The following SLC28A1 variants were observed in gnomAD, a reference collection of about 807,000 sequenced individuals.
SLC28A1 encodes the protein solute carrier family 28 member 1.
In SLC28A1, 64 loss-of-function variants were observed where a neutral mutation model predicts 74.8. The observed-to-expected ratio is 0.86, with a 90% CI of 0.70 to 1.05. SLC28A1 has a LOEUF of 1.05. SLC28A1 is among the 50% of genes least tolerant of loss of function. The pLI is 0.00. For missense variants in SLC28A1, 828 were observed against 822.8 expected (o/e 1.01, Z -0.08); for synonymous variants, 359 against 335.0 (o/e 1.07, Z -0.78).
chr15:84,912,874 A>G (rs1310357155), intron 9 of SLC28A1, among the ~76,000 whole-genome samples: 5 of 150,730 alleles, frequency 3.3e-5, no homozygotes, highest in Admixed American at 3.3e-4. Context: ...AAAAGGTATC[A>G]TTGGATTTGG....
At chr15:84,907,483 C>T (rs1161510204) in intron 8 of SLC28A1, among the ~76,000 whole-genome samples, 1 of 152,002 alleles carries the variant, frequency 6.6e-6, no homozygotes, top group Non-Finnish European at 1.5e-5. Flanking sequence ...CCATGCTGGC[C>T]TTTTTTTAAT....
At chr15:84,914,450 A>AAC (rs1968794449) in intron 9 of SLC28A1, among the ~76,000 whole-genome samples, 1 of 152,202 alleles carries the variant, frequency 6.6e-6, no homozygotes, top group South Asian at 2.1e-4. Context: ...TCCCAGGGCA[A>AAC]ACCTCCCAAG....
the SLC28A1 span, among the ~76,000 whole-genome samples, chr15:84,970,271 G>A: frequency 6.6e-6 from 1 of 152,180 alleles, no homozygotes; most frequent in African/African-American, 2.4e-5. Context: ...TTAGAAGGAA[G>A]GAGACTTTCT....
chr15:84,923,854 C>T (rs1970159317), intron 11 of SLC28A1, 131 bp from the exon 12 acceptor site: 1 of 1,204,538 alleles, frequency 8.3e-7, no homozygotes. Context: ...CAGCCAAGTA[C>T]AGACCCTGGT....
At chr15:84,890,372 G>A in intron 4 of SLC28A1, 71 bp from the exon 5 acceptor site, 1 of 1,090,722 alleles carries the variant, frequency 9.2e-7, no homozygotes. Flanking sequence ...ATACCTGAGT[G>A]GAGGTGCTGA....
chr15:84,935,237 C>T, intron 14 of SLC28A1, 43 bp downstream of exon 14: 2 of 1,612,822 alleles, frequency 1.2e-6, no homozygotes, highest in East Asian at 2.2e-5. Flanking sequence ...AGAGGATGGC[C>T]CCAGGTGGGT....
chr15:84,959,519 T>C, the SLC28A1 span, among the ~76,000 whole-genome samples: 3 of 152,134 alleles, frequency 2.0e-5, no homozygotes, highest in African/African-American at 7.2e-5. Flanking sequence ...TATCTTCGAA[T>C]TTTTTTACCT....
the SLC28A1 span, among the ~76,000 whole-genome samples, chr15:84,963,922 C>T: frequency 3.7e-3 from 556 of 152,292 alleles, 1 homozygote; most frequent in African/African-American, 0.013. Context: ...AGGAGTTGCA[C>T]TCTCCTTCCT....
chr15:84,965,083 G>A, the SLC28A1 span, among the ~76,000 whole-genome samples: 23 of 152,132 alleles, frequency 1.5e-4, no homozygotes, highest in Non-Finnish European at 3.2e-4. Flanking sequence ...ATAACCCCAC[G>A]TGTCATGGGA....
At chr15:84,943,370 G>A (rs1282172380) in intron 15 of SLC28A1, 75 bp from the exon 16 acceptor site, 14 of 1,032,276 alleles carry the variant, frequency 1.4e-5, no homozygotes, top group Non-Finnish European at 2.0e-5. Flanking sequence ...TTAAGGCCAG[G>A]GAGCCTGGGT....
intron 6 of SLC28A1, among the ~76,000 whole-genome samples, chr15:84,899,967 A>AAG (rs1567130013): frequency 3.6e-5 from 2 of 54,816 alleles, no homozygotes; most frequent in African/African-American, 8.3e-5. Flanking sequence ...AAGGAAGGAA[A>AAG]GAAGGAAGGA....
intron 10 of SLC28A1, among the ~76,000 whole-genome samples, chr15:84,919,544 A>G (rs930851013): frequency 6.6e-6 from 1 of 152,208 alleles, no homozygotes. Context: ...CATGGCACTG[A>G]CATCTGGTAA....
In SLC28A1 at chr15:84,902,373, G is replaced by C. The variant is rs546020258; in HGVS notation, c.462-1724G>C. Among the ~76,000 whole-genome samples, 13 of 152,186 alleles carry C rather than the reference G, an allele frequency of 8.5e-5. No homozygotes were observed. In the South Asian group the frequency reaches 1.2e-3, roughly 15 times the overall value. ...TGCATCCCTGTAGTCCCAGCTACTT[G>C]GGAAGCTGAGGCAGGAAAAGCGCTT... On this transcript the variant is annotated intron_variant, in intron 6 of 18. Coordinates refer to ENST00000394573, the MANE Select transcript of SLC28A1 (RefSeq NM_004213.5).
At chr15:84,916,959 C>T (rs769824352) in intron 9 of SLC28A1, among the ~76,000 whole-genome samples, 1 of 135,066 alleles carries the variant, frequency 7.4e-6, no homozygotes, top group Non-Finnish European at 1.5e-5. Context: ...ACCCAGGAGG[C>T]GGAGGCTGTA....
chr15:84,946,017 G>A (rs538395740), downstream of SLC28A1, among the ~76,000 whole-genome samples: 14 of 134,972 alleles, frequency 1.0e-4, no homozygotes, highest in African/African-American at 3.9e-4. Flanking sequence ...GTACCACCAT[G>A]TCCAGCTAAT....
chr15:84,935,944 G>GTTTTTTTTTTTTTTTTT (rs1555456047), intron 15 of SLC28A1, among the ~76,000 whole-genome samples: 1 of 90,106 alleles, frequency 1.1e-5, no homozygotes, highest in African/African-American at 4.1e-5. Context: ...GTTTTGGTTT[G>GTTTTTTTTTTTTTTTTT]GTTTTTGTTT....
intron 18 of SLC28A1, 120 bp from the exon 19 acceptor site, chr15:84,945,005 G>A: frequency 1.8e-6 from 2 of 1,113,114 alleles, no homozygotes; most frequent in African/African-American, 1.5e-5. Flanking sequence ...GAAGGCTCGA[G>A]GACCAATGGA....
chr15:84,956,519 G>A, the SLC28A1 span, among the ~76,000 whole-genome samples: 1 of 126,112 alleles, frequency 7.9e-6, no homozygotes, highest in Non-Finnish European at 1.7e-5. Flanking sequence ...TTTCGACAGG[G>A]TCTCACTTTG....
rs148740007 is a variant in SLC28A1 at position 84,912,797 on chromosome 15, T to TGCGCGCGC, written c.795+4005_795+4012dup. 3.3e-3 allele frequency among the ~76,000 whole-genome samples: 396 copies of TGCGCGCGC among 118,224 alleles called. 10 individuals carry two copies. The highest frequency in any genetic ancestry group is 0.015 in the East Asian group (63 of 4,074). The allele number at this position is 118,224 out of a possible 152,430, so 77.6% of individuals were successfully genotyped here. A position where few individuals can be genotyped will look rare whatever the true frequency, so the allele number is the denominator to read the frequency against. The stretch of plus-strand genomic sequence containing the variant: ...CCCAGTGGTCAACAGTGCCAAATTT[T>TGCGCGCGC]GCGCGCGCGCACACACACACACACA... On this transcript the variant is annotated intron_variant, in intron 9 of 18. Transcript: ENST00000394573.
Sources: allele counts gnomAD v4.1 joint callset (sites outside exome capture counted in the v4.1 genomes callset), GRCh38; gene constraint gnomAD v4.1.1; transcripts MANE v1.5; gene names NCBI Gene and HGNC (gene_info 2026-07-23, HGNC 2026-07-21).